The following NELL1 variants were observed in gnomAD, a reference collection of about 807,000 sequenced individuals.
NELL1 encodes neural EGFL like 1.
Under a neutral mutation model 107.4 loss-of-function variants are expected in NELL1, and 76 were observed. The observed-to-expected ratio is 0.71, with a 90% confidence interval of 0.59 to 0.86. NELL1 has a LOEUF of 0.86. Ranked by LOEUF, NELL1 falls within the 40% of genes least tolerant of loss-of-function variation. The pLI is 0.00. For synonymous variants in NELL1, 353 were observed against 341.2 expected (o/e 1.03, Z -0.38); for missense variants, 1,024 against 1,005.5 (o/e 1.02, Z -0.25).
At chr11:21,132,972 G>A (rs1337043959) in intron 13 of NELL1, among the ~76,000 whole-genome samples, 2 of 152,128 alleles carry the variant, frequency 1.3e-5, no homozygotes, top group African/African-American at 2.4e-5. Context: ...CAGGAGACCC[G>A]AAGTAGGTAG....
chr11:21,355,561 C>A (rs1353632467), intron 14 of NELL1, among the ~76,000 whole-genome samples: 1 of 152,184 alleles, frequency 6.6e-6, no homozygotes, highest in Non-Finnish European at 1.5e-5. Context: ...GAAGATAGAT[C>A]TGTTTCTAGA....
intron 4 of NELL1, among the ~76,000 whole-genome samples, chr11:20,866,680 T>C (rs1039705359): frequency 1.8e-4 from 27 of 152,246 alleles, no homozygotes; most frequent in African/African-American, 6.3e-4. Flanking sequence ...GTGCATGAGC[T>C]TCTGGAGGGA....
At chr11:21,547,508 T>A (rs77373103) in intron 16 of NELL1, among the ~76,000 whole-genome samples, 1 of 151,924 alleles carries the variant, frequency 6.6e-6, no homozygotes, top group Non-Finnish European at 1.5e-5. Flanking sequence ...TTTCATAATA[T>A]CAGTGTTATA....
chr11:21,449,010 C>T (rs562441168), intron 15 of NELL1, among the ~76,000 whole-genome samples: 3 of 152,264 alleles, frequency 2.0e-5, no homozygotes, highest in East Asian at 1.9e-4. Flanking sequence ...AATAAATCTG[C>T]TACGAGTATT....
At chr11:20,970,520 A>C (rs1454412560) in intron 12 of NELL1, among the ~76,000 whole-genome samples, 1 of 152,188 alleles carries the variant, frequency 6.6e-6, no homozygotes, top group African/African-American at 2.4e-5. Context: ...TGTTGTAGGA[A>C]TACAATGGTG....
intron 3 of NELL1, among the ~76,000 whole-genome samples, chr11:20,846,066 T>C (rs1211351689): frequency 1.3e-5 from 2 of 152,232 alleles, no homozygotes; most frequent in Middle Eastern, 3.2e-3. Flanking sequence ...TTTCCTTTTG[T>C]GCAGTCTTAT....
chr11:21,097,832 A>T lies in NELL1; in HGVS notation c.1301-15757A>T, dbSNP rs1001606552. On this transcript the variant is annotated intron_variant, in intron 12 of 19. Transcript: ENST00000357134. ...ATTTCCTAGCTTAAAAACTTAAATA[A>T]TTGTATATTAGTTTATGCATTCATT... Among the ~76,000 whole-genome samples, 2 of 152,280 alleles carry T rather than the reference A, an allele frequency of 1.3e-5. 1 individual carries two copies. The highest frequency in any genetic ancestry group is 3.9e-4 in the East Asian group (2 of 5,190).
chr11:21,411,562 C>T (rs1353506734), intron 15 of NELL1, among the ~76,000 whole-genome samples: 1 of 152,008 alleles, frequency 6.6e-6, no homozygotes, highest in Admixed American at 6.6e-5. Flanking sequence ...ACTGAAACTA[C>T]AGTGAGATGA....
intron 3 of NELL1, among the ~76,000 whole-genome samples, chr11:20,836,126 G>A (rs879258391): frequency 6.6e-6 from 1 of 151,942 alleles, no homozygotes; most frequent in Non-Finnish European, 1.5e-5. Context: ...TTAAAAATAG[G>A]CAAAATATCT....
At chr11:20,690,445 G>A (rs1296599795) in intron 2 of NELL1, among the ~76,000 whole-genome samples, 9 of 151,978 alleles carry the variant, frequency 5.9e-5, no homozygotes, top group Admixed American at 1.3e-4. Context: ...AATCCATCTT[G>A]AATTAATTTT....
intron 13 of NELL1, among the ~76,000 whole-genome samples, chr11:21,172,918 C>CTG (rs1286563242): frequency 8.8e-5 from 11 of 125,244 alleles, no homozygotes; most frequent in African/African-American, 1.6e-4. Context: ...AGGTGTGTGT[C>CTG]TGTCTGTGTG....
chr11:21,419,244 G>C (rs922650772), intron 15 of NELL1, among the ~76,000 whole-genome samples: 1 of 152,212 alleles, frequency 6.6e-6, no homozygotes, highest in Middle Eastern at 3.4e-3. Flanking sequence ...AAATTAGTGA[G>C]AGAAGTGGGG....
At chr11:21,275,376 A>G (rs576593671) in intron 14 of NELL1, among the ~76,000 whole-genome samples, 6 of 152,348 alleles carry the variant, frequency 3.9e-5, no homozygotes, top group Admixed American at 3.9e-4. Context: ...TGAATAGACC[A>G]ATAACAGGCT....
intron 12 of NELL1, among the ~76,000 whole-genome samples, chr11:21,075,722 C>T (rs1854119640): frequency 6.6e-6 from 1 of 152,186 alleles, no homozygotes; most frequent in Admixed American, 6.5e-5. Flanking sequence ...CGTGAGCCAC[C>T]AGACCTGGCC....
intron 12 of NELL1, among the ~76,000 whole-genome samples, chr11:21,025,315 T>A (rs1237053478): frequency 6.6e-6 from 1 of 152,018 alleles, no homozygotes; most frequent in Admixed American, 6.6e-5. Flanking sequence ...GTAAGGTTGG[T>A]GCTATTCTCC....
At chr11:21,448,317 T>A (rs529947158) in intron 15 of NELL1, among the ~76,000 whole-genome samples, 12 of 152,256 alleles carry the variant, frequency 7.9e-5, no homozygotes, top group African/African-American at 2.6e-4. Context: ...GATATTAAAA[T>A]TTTTTTATGC....
chr11:21,390,808 G>C (rs991779709), intron 15 of NELL1, among the ~76,000 whole-genome samples: 2 of 151,742 alleles, frequency 1.3e-5, no homozygotes, highest in African/African-American at 4.8e-5. Context: ...ACATTTACAT[G>C]TATTTGATAT....
intron 15 of NELL1, among the ~76,000 whole-genome samples, chr11:21,496,405 CTTGT>C (rs1435694474): frequency 0.013 from 1,786 of 141,252 alleles, 31 homozygotes; most frequent in African/African-American, 0.044. Flanking sequence ...TTATTCTTCT[CTTGT>C]TTTTTTTTTT....
At chr11:21,105,779 TCCCC>T (rs1854940806) in intron 12 of NELL1, among the ~76,000 whole-genome samples, 5 of 57,060 alleles carry the variant, frequency 8.8e-5, no homozygotes, top group South Asian at 8.1e-4. Flanking sequence ...ACCTCTCCCC[TCCCC>T]TCCCCTCCCC....
Sources: allele counts gnomAD v4.1 joint callset (sites outside exome capture counted in the v4.1 genomes callset), GRCh38; gene constraint gnomAD v4.1.1; transcripts MANE v1.5; gene names NCBI Gene and HGNC (gene_info 2026-07-23, HGNC 2026-07-21).